COL6A3: variants seen among roughly 807,000 people sequenced by gnomAD.
COL6A3 encodes collagen alpha-3(VI) chain.
A neutral mutation model predicts 274.1 loss-of-function variants in COL6A3; 137 were observed. The observed-to-expected ratio is 0.50, with a 90% confidence interval of 0.44 to 0.58. The LOEUF (loss-of-function observed/expected upper bound fraction) is 0.58, where lower values mean the gene tolerates loss of function less well. Among genes scored for constraint, COL6A3 ranks in the 20% least tolerant of loss-of-function variants. The pLI is 0.00. For missense variants in COL6A3, 3,950 were observed against 4,124.9 expected, an observed-to-expected ratio of 0.96 and a Z score of 1.16; for synonymous variants, 1,650 against 1,650.6, an observed-to-expected ratio of 1.00 and a Z score of 0.01.
chr2:237,372,011 C>T lies in COL6A3; in HGVS notation c.4006G>A (p.Val1336Ile), dbSNP rs144051775. ...RPLGSRIEEG[V>I]PQFLVLISSG... is the part of the protein sequence containing the mutation. ...GAGATGAGGACCAGGAACTGCGGGACGCCCTCTTCAATGCGGCTCCCCAGG... is the reference window on the plus strand; with the variant it reads ...GAGATGAGGACCAGGAACTGCGGGATGCCCTCTTCAATGCGGCTCCCCAGG... The change falls in exon 9 of 44, where the codon GTC becomes ATC. Residue 1336 changes from valine to isoleucine, a missense_variant. By Grantham distance (29) the Val-to-Ile change is conservative. Transcript: ENST00000295550. The T allele has an allele frequency of 1.6e-4, 266 of 1,614,132 alleles. 2 individuals carry two copies. The Admixed American group carries it at 3.7e-3, about 23-fold the overall frequency.
In COL6A3 at chr2:237,344,090, G is replaced by A. The variant is rs918574290; in HGVS notation, c.7668+260C>T. ...TAGATAGAGAGTGTCACCAACACTAGCATCACTAACCGGCAAGAGCTGTCA... is the reference window on the plus strand; with the variant it reads ...TAGATAGAGAGTGTCACCAACACTAACATCACTAACCGGCAAGAGCTGTCA... On this transcript the variant is annotated intron_variant, in intron 36 of 43. Coordinates refer to ENST00000295550, the MANE Select transcript of COL6A3 (RefSeq NM_004369.4). The surrounding 1 kb of genome is among the most constrained non-coding windows in gnomAD (Gnocchi z 4.8). The A allele has an allele frequency of 1.8e-6, 1 of 565,894 alleles. No individual in the cohort carries two copies. Among genetic ancestry groups the A allele is most frequent in the Non-Finnish European group, 3.2e-6 (1 of 314,894 alleles). The allele number at this position is 565,894 out of a possible 1,614,324, so 35.1% of individuals were successfully genotyped here.
At chr2:237,411,870 G>GGA (rs2078864707) in intron 1 of COL6A3, among the ~76,000 whole-genome samples, 3 of 152,154 alleles carry the variant, frequency 2.0e-5, no homozygotes, top group African/African-American at 7.2e-5. Flanking sequence ...GCCAAGCAGG[G>GGA]AAAGAGCGGG....
At chr2:237,367,839 G>C (rs1324404287) in intron 10 of COL6A3, among the ~76,000 whole-genome samples, 1 of 152,154 alleles carries the variant, frequency 6.6e-6, no homozygotes, top group African/African-American at 2.4e-5. Context: ...GGTGTGGAGG[G>C]TAATTTCTTG....
chr2:237,376,695 C>G, intron 7 of COL6A3, 77 bp downstream of exon 7: 1 of 1,426,284 alleles, frequency 7.0e-7, no homozygotes, highest in Non-Finnish European at 9.9e-7. Flanking sequence ...TATCTAAGGA[C>G]CAGTGGCCAG....
intron 7 of COL6A3, 148 bp from the exon 8 acceptor site, chr2:237,375,168 A>T: frequency 8.2e-7 from 1 of 1,226,338 alleles, no homozygotes; most frequent in Non-Finnish European, 1.2e-6. Flanking sequence ...GATTCAGGTA[A>T]GGATTTGGGG....
chr2:237,338,889 T>C, intron 39 of COL6A3, 126 bp downstream of exon 39: 1 of 726,834 alleles, frequency 1.4e-6, no homozygotes, highest in South Asian at 1.7e-5. Context: ...ATGACCCACA[T>C]TACCTTTGGG....
chr2:237,390,849 A>G (rs926428416), intron 3 of COL6A3, among the ~76,000 whole-genome samples: 11 of 152,308 alleles, frequency 7.2e-5, no homozygotes, highest in Middle Eastern at 3.4e-3. Context: ...CCTCCCTGTC[A>G]CCTTTAGCTT....
chr2:237,362,479 A>C (rs1207561475), intron 14 of COL6A3, among the ~76,000 whole-genome samples: 1 of 152,262 alleles, frequency 6.6e-6, no homozygotes, highest in African/African-American at 2.4e-5. Context: ...AATGGTGGGC[A>C]CATGCACTTT....
chr2:237,344,587 C>G lies in COL6A3; in HGVS notation c.7431G>C (p.Gln2477His). ...TCTGCTGTTTGGATGTCAGAGCCAC[C>G]TGAAGGTTCTTAATCTTGTCCAGGA... ...SVLLDKIKNL[Q>H]VALTSKQQSL... Residue 2477 changes from glutamine (Q) to histidine (H), a missense_variant, in exon 36 of 44, where the codon CAG becomes CAC. Transcript: ENST00000295550. This position sits in a 1 kb window ranked among gnomAD's most constrained non-coding sequence, Gnocchi z 4.8. 6.2e-7 allele frequency: 1 copy of G among 1,614,206 alleles called. No homozygotes were observed. Among genetic ancestry groups the G allele is most frequent in the Non-Finnish European group, 8.5e-7 (1 of 1,180,028 alleles).
Position 237,387,594 on chromosome 2 carries a change from T to C in COL6A3, c.1300A>G (p.Ile434Val). ...AGAGGATACATACCTTGTGTGACAA[T>C]GGTTGGCGGTTTCAAGACAATGTGC... ...QRHIVLKPPT[I>V]VTQVIEVNKR... Residue 434 changes from isoleucine to valine, a missense_variant, in exon 4 of 44, where the codon ATT (isoleucine) becomes GTT (valine). By Grantham distance (29) the Ile-to-Val change is conservative (BLOSUM62 3). Around this residue, in one of 5 missense-constraint regions of COL6A3, gnomAD observed 1,934 missense variants for 1,984.3 expected, o/e 0.97. Coordinates refer to ENST00000295550, the MANE Select transcript of COL6A3 (RefSeq NM_004369.4). The C allele has an allele frequency of 1.2e-6, 2 of 1,613,990 alleles. No individual in the cohort carries two copies. The highest frequency in any genetic ancestry group is 2.2e-5 in the East Asian group (1 of 44,882).
chr2:237,352,692 C>T, intron 25 of COL6A3, 108 bp from the exon 26 acceptor site: 2 of 1,023,380 alleles, frequency 2.0e-6, no homozygotes, highest in Non-Finnish European at 3.0e-6. Flanking sequence ...CTTCTGCTGG[C>T]CAAAAACGGC....
chr2:237,394,494 C>T (rs951594377), intron 3 of COL6A3, 93 bp downstream of exon 3: 13 of 1,541,810 alleles, frequency 8.4e-6, no homozygotes, highest in African/African-American at 6.8e-5. Flanking sequence ...CTGGCCCACC[C>T]GCCATCCTAG....
At chr2:237,350,688 C>T (rs766928103) in intron 27 of COL6A3, among the ~76,000 whole-genome samples, 12 of 152,308 alleles carry the variant, frequency 7.9e-5, no homozygotes, top group South Asian at 4.1e-4. Context: ...CAGTCAGGGT[C>T]GGGGCTCTTG....
At position 237,371,028 on chromosome 2, in the gene COL6A3, C is replaced by T. The variant is rs138126876; in HGVS notation, c.4285+704G>A. Among the ~76,000 whole-genome samples, 117 of 152,308 alleles carry T rather than the reference C, an allele frequency of 7.7e-4. No homozygotes were observed. Among genetic ancestry groups the T allele is most frequent in the African/African-American group, 2.5e-3 (105 of 41,560 alleles). On this transcript the variant is annotated intron_variant, in intron 9 of 43. Transcript: ENST00000295550. This position sits in a 1 kb window ranked among gnomAD's most constrained non-coding sequence, Gnocchi z 4.3. ...ACTGCTCTTCTCTACCAATCTATAC[C>T]AAGGCCATCCTGCTTCTAGGTAAGA...
At position 237,394,720 on chromosome 2, in the gene COL6A3, C is replaced by T. The variant is rs141560881; in HGVS notation, c.576G>A (p.Pro192=). The change falls in exon 3 of 44, where the codon CCG becomes CCA. Residue 192 remains proline, a synonymous_variant. Coordinates refer to ENST00000295550, the MANE Select transcript of COL6A3 (RefSeq NM_004369.4). ...EGALKEIASE[P]LNMHMFNLEN... is the part of the protein sequence containing the mutation. Reference sequence around the variant, plus strand: ...CTAGGTTGAACATATGCATATTGAGCGGTTCACTTGCTATTTCTTTTAACG... The same window carrying T: ...CTAGGTTGAACATATGCATATTGAGTGGTTCACTTGCTATTTCTTTTAACG... 1.2e-5 allele frequency: 19 copies of T among 1,614,056 alleles called. No individual in the cohort carries two copies. The highest frequency in any genetic ancestry group is 6.7e-5 in the East Asian group (3 of 44,888).
Position 237,344,413 on chromosome 2 carries a change from A to G in COL6A3, c.7605T>C (p.Asp2535=). The part of the protein sequence containing the change: ...QLREAVLKLS[D]AGITPLFLTR... ...TAAGGAACAAGGGGGTGATCCCCGC[A>G]TCTGAGAGCTTGAGCACAGCCTCTC... Residue 2535 remains aspartate (D), a synonymous_variant, in exon 36 of 44, where the codon GAT becomes GAC. Coordinates refer to ENST00000295550, the MANE Select transcript of COL6A3 (RefSeq NM_004369.4). The surrounding 1 kb of genome is among the most constrained non-coding windows in gnomAD (Gnocchi z 4.8). The G allele has an allele frequency of 6.2e-7, 1 of 1,614,160 alleles. No homozygotes were observed. The highest frequency in any genetic ancestry group is 8.5e-7 in the Non-Finnish European group (1 of 1,179,986).
rs144451523 is a variant in COL6A3, at chr2:237,367,119, C to T, written c.5068G>A (p.Glu1690Lys). ...GTAGAGAAGTCCTTCAGGAAGAATT[C>T]GTCAGTGGGGTCAGAGTTGTACTGG... ...LVQYNSDPTD[E>K]FFLKDFSTKR... Residue 1690 changes from glutamate to lysine, a missense_variant, in exon 11 of 44, where the codon GAA (glutamate) becomes AAA (lysine). Transcript: ENST00000295550. 7.2e-5 allele frequency: 116 copies of T among 1,614,016 alleles called. 1 individual carries two copies. The highest frequency in any genetic ancestry group is 3.3e-4 in the Middle Eastern group (2 of 6,084).
At chr2:237,391,087 G>A (rs1457043539) in intron 3 of COL6A3, among the ~76,000 whole-genome samples, 1 of 152,174 alleles carries the variant, frequency 6.6e-6, no homozygotes, top group Non-Finnish European at 1.5e-5. Flanking sequence ...TAACTAATTA[G>A]CAATCTCTAT....
At position 237,387,771 on chromosome 2, in the gene COL6A3, A is replaced by G. The variant is rs1276247037; in HGVS notation, c.1123T>C (p.Phe375Leu). ...GCCTGGGCTCCAAGGCCGAATGAGA[A>G]CACGCTAGCCTGCTTCAGTGCTACC... ...GVVALKQASVFSFGLGAQAAS... is the reference protein window; with the variant it reads ...GVVALKQASVLSFGLGAQAAS... The change falls in exon 4 of 44, where the codon TTC becomes CTC. Residue 375 changes from phenylalanine (F) to leucine (L), a missense_variant. By Grantham distance (22) the Phe-to-Leu change is conservative. This residue lies in a region of COL6A3 where 1,934 missense variants were observed against 1,984.3 expected (regional missense o/e 0.97). Transcript: ENST00000295550. The G allele has an allele frequency of 6.2e-7, 1 of 1,613,992 alleles. No homozygotes were observed.
Sources: gnomAD v4.1 joint callset for allele counts (sites outside exome capture counted in the v4.1 genomes callset) on GRCh38, gnomAD v4.1.1 for gene constraint, gnomAD v4.1.1 regional missense constraint, Gnocchi (gnomAD v3.1) non-coding constraint, MANE v1.5 for transcripts, NCBI Gene and HGNC (gene_info 2026-07-23, HGNC 2026-07-21) for gene names.